Variants in ATG4C observed in about 807,000 individuals in gnomAD.
The protein encoded by ATG4C is autophagy related 4C cysteine peptidase.
ATG4C carries 56 observed loss-of-function variants against 57.6 expected under a neutral mutation model. The observed-to-expected ratio is 0.97, with a 90% CI of 0.78 to 1.21. ATG4C has a LOEUF of 1.21. Ranked by LOEUF, ATG4C falls within the 50% of genes most tolerant of loss-of-function variation. The probability of loss-of-function intolerance (pLI) is 0.00; values close to 1 mark genes in which losing one functional copy is unlikely to be tolerated. For missense variants in ATG4C, 595 were observed against 529.8 expected (o/e 1.12, Z -1.21); for synonymous variants, 157 against 174.1 (o/e 0.90, Z 0.78).
intron 6 of ATG4C, among the ~76,000 whole-genome samples, chr1:62,827,238 TG>T (rs1293845662): frequency 6.6e-6 from 1 of 152,192 alleles, no homozygotes. Flanking sequence ...ATCCCATTTT[TG>T]CTACTGTACC....
At position 62,850,811 on chromosome 1, in the gene ATG4C, G is replaced by A. The variant is rs549851461; in HGVS notation, c.1209+9264G>A. Among the ~76,000 whole-genome samples, 3 of 127,750 alleles carry A rather than the reference G, an allele frequency of 2.3e-5. No individual in the cohort carries two copies. The Admixed American group carries it at 2.5e-4, about 11-fold the overall frequency. 83.8% of individuals were successfully genotyped at this position (127,750 alleles called of 152,430 possible). ...AGCACATATCACTATACACATATAC[G>A]TATATATTCTGCTGTATCATGTATG... On this transcript the variant is annotated intron_variant, in intron 10 of 10. Transcript: ENST00000317868.
chr1:62,834,075 G>A lies in ATG4C; in HGVS notation c.971G>A (p.Gly324Asp), dbSNP rs1049187683. 2.5e-6 allele frequency: 4 copies of A among 1,612,788 alleles called. No individual in the cohort carries two copies. The highest frequency in any genetic ancestry group is 3.4e-6 in the Non-Finnish European group (4 of 1,179,264). ...CTGGAATATTGTGTGGGTATTATTG[G>A]TGGCAAACCTAAACAGTCATATTAC... is the stretch of plus-strand genomic sequence containing the variant. ...LSLEYCVGII[G>D]GKPKQSYYFA... Residue 324 changes from glycine (G) to aspartate (D), a missense_variant, in exon 8 of 11, where the codon GGT becomes GAT. Transcript: ENST00000317868.
intron 10 of ATG4C, among the ~76,000 whole-genome samples, chr1:62,859,535 G>A (rs1029139947): frequency 6.6e-6 from 1 of 151,952 alleles, no homozygotes; most frequent in African/African-American, 2.4e-5. Context: ...TGCAGGACTG[G>A]AGGTTGCTCT....
At chr1:62,834,619 T>G (rs1276003033) in intron 8 of ATG4C, among the ~76,000 whole-genome samples, 157 bp from the exon 9 acceptor site, 1 of 152,082 alleles carries the variant, frequency 6.6e-6, no homozygotes, top group African/African-American at 2.4e-5. Flanking sequence ...CAAAAGTTAA[T>G]CTATCCTGTG....
chr1:62,854,498 C>T (rs1460500323), intron 10 of ATG4C, among the ~76,000 whole-genome samples: 2 of 151,880 alleles, frequency 1.3e-5, no homozygotes, highest in African/African-American at 2.4e-5. Flanking sequence ...AGGATGGTCT[C>T]GATCTCCTGA....
rs1665293171 is a variant in ATG4C, at chr1:62,816,798, T to C, written c.384T>C (p.Phe128=). ...MLLAQGLILH[F]LGRAWTWPDA... is the part of the protein sequence containing the mutation. ...TGGCTCAAGGACTCATACTACACTT[T>C]CTTGGTAGAGGTAAATCAAATTTCT... is the stretch of plus-strand genomic sequence containing the variant. The change falls in exon 4 of 11, where the codon TTT becomes TTC. Residue 128 remains phenylalanine, a synonymous_variant. Transcript: ENST00000317868. 2 of 1,551,484 alleles carry C rather than the reference T, an allele frequency of 1.3e-6. No individual in the cohort carries two copies. The highest frequency in any genetic ancestry group is 2.8e-5 in the African/African-American group (2 of 72,406).
chr1:62,860,145 A>T (rs1401563136), intron 10 of ATG4C, among the ~76,000 whole-genome samples: 1 of 152,106 alleles, frequency 6.6e-6, no homozygotes, highest in Non-Finnish European at 1.5e-5. Context: ...CATCAATACC[A>T]CTATCTTCTA....
At chr1:62,850,225 A>G (rs1666462774) in intron 10 of ATG4C, among the ~76,000 whole-genome samples, 1 of 152,028 alleles carries the variant, frequency 6.6e-6, no homozygotes, top group Non-Finnish European at 1.5e-5. Context: ...TGCATCAGCA[A>G]ATCCCATCAT....
chr1:62,812,280 C>T (rs532311104), intron 3 of ATG4C, among the ~76,000 whole-genome samples: 9 of 152,264 alleles, frequency 5.9e-5, no homozygotes, highest in African/African-American at 9.6e-5. Flanking sequence ...ACCACGATCA[C>T]GTCGGCTTCA....
chr1:62,850,326 C>T (rs562639429), intron 10 of ATG4C, among the ~76,000 whole-genome samples: 8 of 152,148 alleles, frequency 5.3e-5, no homozygotes, highest in Admixed American at 3.9e-4. Context: ...GAGATTATTG[C>T]GGTAGCTCCC....
At chr1:62,847,673 C>A (rs1167773161) in intron 10 of ATG4C, among the ~76,000 whole-genome samples, 1 of 152,070 alleles carries the variant, frequency 6.6e-6, no homozygotes, top group Non-Finnish European at 1.5e-5. Context: ...TGCTTTAAGA[C>A]TCTTGGAAGC....
chr1:62,796,006 G>A (rs111262930), intron 1 of ATG4C, among the ~76,000 whole-genome samples: 1,644 of 152,182 alleles, frequency 0.011, 28 homozygotes, highest in African/African-American at 0.037. Flanking sequence ...TGGCATATCA[G>A]TTAATCACTG....
chr1:62,839,850 C>T (rs1290064169), intron 9 of ATG4C, among the ~76,000 whole-genome samples: 2 of 151,810 alleles, frequency 1.3e-5, no homozygotes, highest in Non-Finnish European at 2.9e-5. Flanking sequence ...ATATTTTGCC[C>T]TATATTGAGT....
At chr1:62,827,043 G>T (rs1665684568) in intron 6 of ATG4C, among the ~76,000 whole-genome samples, 1 of 152,098 alleles carries the variant, frequency 6.6e-6, no homozygotes, top group African/African-American at 2.4e-5. Context: ...AGGCAGAGCA[G>T]CCCCTTGCCT....
rs560631544 is a variant in ATG4C, at chr1:62,851,153, AGT to A, written c.1209+9611_1209+9612del. ...AGTGATTGAGTTATAGAAAATCTACAGTGTGTTTTTACCTACTTCTTCTATTT... is the reference window on the plus strand; with the variant it reads ...AGTGATTGAGTTATAGAAAATCTACAGTGTTTTTACCTACTTCTTCTATTT... On this transcript the variant is annotated intron_variant, in intron 10 of 10. Coordinates refer to ENST00000317868, the MANE Select transcript of ATG4C (RefSeq NM_032852.4). 2.7e-4 allele frequency among the ~76,000 whole-genome samples: 41 copies of A among 152,078 alleles called. No individual in the cohort carries two copies. The South Asian group carries it at 8.1e-3, about 30-fold the overall frequency.
intron 6 of ATG4C, among the ~76,000 whole-genome samples, chr1:62,821,502 A>G (rs1013839815): frequency 6.6e-6 from 1 of 152,118 alleles, no homozygotes; most frequent in Non-Finnish European, 1.5e-5. Context: ...GGCTGCATGT[A>G]TGCTGGGAAC....
chr1:62,839,184 A>G (rs1238237024), intron 9 of ATG4C, among the ~76,000 whole-genome samples: 3 of 152,134 alleles, frequency 2.0e-5, no homozygotes, highest in Non-Finnish European at 2.9e-5. Flanking sequence ...TAAGCCTCCT[A>G]AGTAGCTGGG....
intron 10 of ATG4C, among the ~76,000 whole-genome samples, chr1:62,854,163 T>TATAGTAATTTTGTAATTACTATAAA (rs899854054): frequency 6.6e-6 from 1 of 151,714 alleles, no homozygotes; most frequent in East Asian, 1.9e-4. Flanking sequence ...TAGTAATTTT[T>TATAGTAATTTTGTAATTACTATAAA]ATAGTAATTT....
In ATG4C at chr1:62,829,098, T is replaced by A; in HGVS notation, c.855T>A (p.Asp285Glu). 6.2e-7 allele frequency: 1 copy of A among 1,613,158 alleles called. No homozygotes were observed. The highest frequency in any genetic ancestry group is 8.5e-7 in the Non-Finnish European group (1 of 1,179,314). ...CTTCCATGACTTCTGATAATGCAGA[T>A]GACAAAGCTGTTATTATTCTAGTTC... ...QSASMTSDNA[D>E]DKAVIILVPV... The change falls in exon 7 of 11, where the codon GAT becomes GAA. Residue 285 changes from aspartate to glutamate, a missense_variant. Asp to Glu is a conservative substitution (Grantham distance 45). Coordinates refer to ENST00000317868, the MANE Select transcript of ATG4C (RefSeq NM_032852.4).
Sources: gnomAD v4.1 joint callset for allele counts (sites outside exome capture counted in the v4.1 genomes callset) on GRCh38, gnomAD v4.1.1 for gene constraint, MANE v1.5 for transcripts, NCBI Gene and HGNC (gene_info 2026-07-23, HGNC 2026-07-21) for gene names.